Variants in ZZZ3 observed in about 807,000 individuals in gnomAD.
ZZZ3 encodes the protein ZZ-type zinc finger-containing protein 3.
A neutral mutation model predicts 95.2 loss-of-function variants in ZZZ3; 22 were observed. The observed-to-expected ratio is 0.23, with a 90% CI of 0.17 to 0.33. ZZZ3 has a LOEUF of 0.33. Ranked by LOEUF, ZZZ3 falls within the 10% of genes least tolerant of loss-of-function variation. ZZZ3 has a pLI of 1.00. For missense variants in ZZZ3, 885 were observed against 1,066.5 expected, an observed-to-expected ratio of 0.83 and a Z score of 2.37; for synonymous variants, 335 against 358.9, an observed-to-expected ratio of 0.93 and a Z score of 0.75.
At chr1:77,612,666 C>T (rs527367343) in intron 5 of ZZZ3, among the ~76,000 whole-genome samples, 1 of 151,972 alleles carries the variant, frequency 6.6e-6, no homozygotes, top group Non-Finnish European at 1.5e-5. Context: ...CATTATGCTA[C>T]ATGAAATAAG....
chr1:77,591,959 C>T lies in ZZZ3; in HGVS notation c.1506-7304G>A, dbSNP rs915762148. On this transcript the variant is annotated intron_variant, in intron 5 of 14. Coordinates refer to ENST00000370801, the MANE Select transcript of ZZZ3 (RefSeq NM_015534.6). The stretch of plus-strand genomic sequence containing the variant: ...GTACTGAACCATGCAAGCTTGAGCT[C>T]AATTTTCTAGACTTCACTTGGCCAA... Among the ~76,000 whole-genome samples the T allele has an allele frequency of 4.6e-5, 7 of 152,218 alleles. No individual in the cohort carries two copies. The East Asian group carries it at 7.7e-4, about 17-fold the overall frequency.
rs953314466 is a variant in ZZZ3, at chr1:77,663,104, C to CA, written c.-403+19480dup. ...TGGGTAACACAGTGAGACCCGGTCT[C>CA]AAAAAAAAAATTAATAAAAAAAAAA... On this transcript the variant is annotated intron_variant, in intron 1 of 14. Coordinates refer to ENST00000370801, the MANE Select transcript of ZZZ3 (RefSeq NM_015534.6). Among the ~76,000 whole-genome samples the CA allele has an allele frequency of 2.4e-3, 318 of 134,504 alleles. 1 individual carries two copies. Among genetic ancestry groups the CA allele is most frequent in the African/African-American group, 7.6e-3 (275 of 36,044 alleles). The allele number at this position is 134,504 out of a possible 152,430, so 88.2% of individuals were successfully genotyped here.
chr1:77,655,032 G>C (rs1237113784), intron 1 of ZZZ3, among the ~76,000 whole-genome samples: 1 of 152,130 alleles, frequency 6.6e-6, no homozygotes, highest in Non-Finnish European at 1.5e-5. Context: ...TTGCTCATGA[G>C]GATTCTCTGA....
At chr1:77,586,308 C>G (rs1450241337) in intron 5 of ZZZ3, among the ~76,000 whole-genome samples, 1 of 152,154 alleles carries the variant, frequency 6.6e-6, no homozygotes, top group Non-Finnish European at 1.5e-5. Context: ...TTGCCTCTAT[C>G]CCTGTTTTAA....
intron 1 of ZZZ3, among the ~76,000 whole-genome samples, chr1:77,656,329 T>G (rs1670263545): frequency 6.6e-6 from 1 of 152,224 alleles, no homozygotes; most frequent in Non-Finnish European, 1.5e-5. Context: ...TTATTTAATG[T>G]CAATTTTTTT....
At chr1:77,578,982 CA>C in intron 10 of ZZZ3, 113 bp from the exon 11 acceptor site, 1 of 462,638 alleles carries the variant, frequency 2.2e-6, no homozygotes, top group Non-Finnish European at 3.6e-6. Context: ...ATTCAATACT[CA>C]TCATGAATCT....
chr1:77,619,552 T>C (rs1159237248), intron 5 of ZZZ3, among the ~76,000 whole-genome samples: 1 of 152,198 alleles, frequency 6.6e-6, no homozygotes, highest in East Asian at 1.9e-4. Context: ...GGCAAAACTC[T>C]AGATTGTAAA....
intron 5 of ZZZ3, among the ~76,000 whole-genome samples, chr1:77,614,635 T>C (rs1245412482): frequency 1.3e-5 from 2 of 152,112 alleles, no homozygotes; most frequent in African/African-American, 4.8e-5. Context: ...ACACTATATA[T>C]CACTTTTTTA....
chr1:77,620,453 C>G (rs1666738819), intron 5 of ZZZ3, among the ~76,000 whole-genome samples: 1 of 147,554 alleles, frequency 6.8e-6, no homozygotes. Flanking sequence ...TGACAGTGGC[C>G]TACATTAGAA....
intron 1 of ZZZ3, among the ~76,000 whole-genome samples, chr1:77,680,130 T>C (rs1672617920): frequency 2.0e-5 from 3 of 152,236 alleles, no homozygotes; most frequent in Admixed American, 6.5e-5. Context: ...TAACAAATGT[T>C]ATTTAACAGA....
At chr1:77,671,043 A>C (rs892589618) in intron 1 of ZZZ3, among the ~76,000 whole-genome samples, 1 of 151,808 alleles carries the variant, frequency 6.6e-6, no homozygotes, top group African/African-American at 2.4e-5. Context: ...TTAAAAAAAA[A>C]AAAACTTCTG....
Position 77,579,590 on chromosome 1 carries a change from T to C in ZZZ3, c.2019A>G (p.Glu673=), listed in dbSNP as rs1349468879. ...TCTGCCAGCGTCGAGATTCTACTTC[T>C]TCAGGAGGGTATTTGATGAGTAGCT... The part of the protein sequence containing the change: ...LEQLLIKYPP[E]EVESRRWQKI... Residue 673 remains glutamate, a synonymous_variant, in exon 10 of 15, where the codon GAA becomes GAG. Transcript: ENST00000370801. 2 of 1,589,182 alleles carry C rather than the reference T, an allele frequency of 1.3e-6. No homozygotes were observed. Among genetic ancestry groups the C allele is most frequent in the East Asian group, 2.4e-5 (1 of 42,416 alleles).
chr1:77,564,173 A>G lies in ZZZ3; in HGVS notation c.*1467T>C, dbSNP rs1163531390. The G allele has an allele frequency of 6.6e-6, 1 of 152,144 alleles. No homozygotes were observed. Among genetic ancestry groups the G allele is most frequent in the East Asian group, 1.9e-4 (1 of 5,200 alleles). 9.4% of individuals were successfully genotyped at this position (152,144 alleles called of 1,614,324 possible). ...ATACATGGGGGCTTATCTTCATGAG[A>G]CACAACTAGAAAAAAAATTTTCAAC... is the stretch of plus-strand genomic sequence containing the variant. On this transcript the variant is annotated 3_prime_UTR_variant, in exon 15 of 15. Transcript: ENST00000370801.
intron 12 of ZZZ3, among the ~76,000 whole-genome samples, chr1:77,572,961 T>A (rs368842295): frequency 1.2e-3 from 180 of 152,156 alleles, no homozygotes; most frequent in African/African-American, 4.2e-3. Flanking sequence ...GTACTTTTTT[T>A]AAGTACTCCA....
intron 1 of ZZZ3, among the ~76,000 whole-genome samples, chr1:77,661,974 G>A (rs755270326): frequency 2.9e-5 from 4 of 138,526 alleles, no homozygotes; most frequent in Non-Finnish European, 6.0e-5. Flanking sequence ...AAGCCATGAT[G>A]CCTGGCTTTT....
At chr1:77,669,254 T>C (rs151005512) in intron 1 of ZZZ3, among the ~76,000 whole-genome samples, 3 of 152,180 alleles carry the variant, frequency 2.0e-5, no homozygotes, top group Admixed American at 6.5e-5. Flanking sequence ...AGATATCAAG[T>C]TTCTCTTATC....
At chr1:77,565,857 T>TCACA in intron 14 of ZZZ3, 73 bp from the exon 15 acceptor site, 1 of 1,400,240 alleles carries the variant, frequency 7.1e-7, no homozygotes, top group Non-Finnish European at 9.7e-7. Flanking sequence ...CAAAGCTTCC[T>TCACA]CACAGCTCTC....
At chr1:77,590,330 T>C (rs1394052905) in intron 5 of ZZZ3, among the ~76,000 whole-genome samples, 2 of 152,310 alleles carry the variant, frequency 1.3e-5, no homozygotes, top group East Asian at 3.9e-4. Context: ...GCTGAGATCA[T>C]GCCATTGCTT....
intron 1 of ZZZ3, chr1:77,676,844 G>A (rs1160426196): frequency 6.6e-6 from 1 of 151,968 alleles, no homozygotes; most frequent in African/African-American, 2.4e-5. Flanking sequence ...ATTAAATAAA[G>A]CATTATTTAA....
Sources: gnomAD v4.1 joint callset for allele counts (sites outside exome capture counted in the v4.1 genomes callset) on GRCh38, gnomAD v4.1.1 for gene constraint, MANE v1.5 for transcripts, NCBI Gene and HGNC (gene_info 2026-07-23, HGNC 2026-07-21) for gene names.